RSRC1: variants seen among roughly 807,000 people sequenced by gnomAD.
RSRC1 encodes the protein serine/Arginine-related protein 53.
A neutral mutation model predicts 49.1 loss-of-function variants in RSRC1; 39 were observed. The observed-to-expected ratio is 0.79, with a 90% CI of 0.61 to 1.04. RSRC1 has a LOEUF of 1.04. Among genes scored for constraint, RSRC1 ranks in the 50% least tolerant of loss-of-function variants. The probability of loss-of-function intolerance (pLI) is 0.00; values close to 1 mark genes in which losing one functional copy is unlikely to be tolerated. For synonymous variants in RSRC1, 143 were observed against 130.8 expected, an observed-to-expected ratio of 1.09 and a Z score of -0.63; for missense variants, 388 against 402.4, an observed-to-expected ratio of 0.96 and a Z score of 0.31.
intron 6 of RSRC1, among the ~76,000 whole-genome samples, chr3:158,439,732 G>T (rs1362598143): frequency 2.0e-5 from 3 of 152,108 alleles, no homozygotes; most frequent in African/African-American, 7.2e-5. Flanking sequence ...GTTGATGGGT[G>T]CAGCAAACCA....
chr3:158,446,377 TTC>T lies in RSRC1; in HGVS notation c.584-14556_584-14555del, dbSNP rs370901346. 5.7e-4 allele frequency among the ~76,000 whole-genome samples: 87 copies of T among 152,126 alleles called. No individual in the cohort carries two copies. The East Asian group carries it at 0.012, about 22-fold the overall frequency. On this transcript the variant is annotated intron_variant, in intron 6 of 9. Transcript: ENST00000611884. ...TACTTTTTTTGGATATATGATTTTT[TTC>T]TGTTTGATATATTTTTATTGCCTAT...
chr3:158,353,885 A>C (rs1731008710), intron 5 of RSRC1, among the ~76,000 whole-genome samples: 3 of 152,078 alleles, frequency 2.0e-5, no homozygotes, highest in African/African-American at 4.8e-5. Context: ...CTTTAGTAAA[A>C]AGTCATAGTC....
intron 6 of RSRC1, among the ~76,000 whole-genome samples, chr3:158,401,241 C>T (rs1274470874): frequency 1.3e-5 from 2 of 152,076 alleles, no homozygotes; most frequent in Admixed American, 6.6e-5. Flanking sequence ...CTGTAACGGG[C>T]AGAGATGTCT....
intron 4 of RSRC1, among the ~76,000 whole-genome samples, chr3:158,206,638 G>C (rs146892472): frequency 2.0e-5 from 3 of 152,164 alleles, no homozygotes; most frequent in Non-Finnish European, 4.4e-5. Flanking sequence ...CATCGGCCAG[G>C]CATGGTGGCT....
chr3:158,194,054 T>TACAC (rs10530687), intron 3 of RSRC1, among the ~76,000 whole-genome samples: 1,472 of 144,120 alleles, frequency 0.01, 20 homozygotes, highest in African/African-American at 0.027. Context: ...ACCCCGTCTA[T>TACAC]ACACACACAC....
intron 3 of RSRC1, among the ~76,000 whole-genome samples, chr3:158,166,995 T>C (rs1015333310): frequency 2.0e-5 from 3 of 152,118 alleles, no homozygotes; most frequent in Non-Finnish European, 1.5e-5. Context: ...TAGCTTAGAA[T>C]AAAAGAAAAA....
At chr3:158,135,434 T>G (rs4680414) in intron 3 of RSRC1, among the ~76,000 whole-genome samples, 1 of 149,122 alleles carries the variant, frequency 6.7e-6, no homozygotes, top group East Asian at 2.0e-4. Context: ...CACACCCAGC[T>G]ATTTTTTTTT....
intron 3 of RSRC1, among the ~76,000 whole-genome samples, chr3:158,147,637 T>C (rs1309325886): frequency 6.6e-6 from 1 of 152,172 alleles, no homozygotes; most frequent in African/African-American, 2.4e-5. Context: ...TGTGGTTAAG[T>C]CATGTACAAT....
intron 6 of RSRC1, among the ~76,000 whole-genome samples, chr3:158,363,597 C>T (rs544497325): frequency 5.3e-5 from 8 of 152,212 alleles, no homozygotes; most frequent in African/African-American, 1.4e-4. Context: ...AGTTAAATAC[C>T]TGAGTTATGT....
At chr3:158,135,599 G>GT (rs146421587) in intron 3 of RSRC1, among the ~76,000 whole-genome samples, 91 of 148,246 alleles carry the variant, frequency 6.1e-4, no homozygotes, top group East Asian at 9.8e-4. Context: ...AATTTTTAAT[G>GT]TTTTTTTTTT....
intron 6 of RSRC1, among the ~76,000 whole-genome samples, chr3:158,412,806 T>G (rs558605964): frequency 6.6e-6 from 1 of 151,986 alleles, no homozygotes; most frequent in Non-Finnish European, 1.5e-5. Context: ...TTTAAAAAGT[T>G]TCGCTCTGAT....
chr3:158,314,987 G>A (rs893068851), intron 5 of RSRC1, among the ~76,000 whole-genome samples: 5 of 151,276 alleles, frequency 3.3e-5, no homozygotes, highest in African/African-American at 9.7e-5. Flanking sequence ...AGCCAAGATT[G>A]TGCCACTGCA....
At chr3:158,244,322 C>T (rs577918870) in intron 4 of RSRC1, among the ~76,000 whole-genome samples, 1 of 152,166 alleles carries the variant, frequency 6.6e-6, no homozygotes, top group Non-Finnish European at 1.5e-5. Context: ...TGAGACTTTT[C>T]AACATGAAGG....
At chr3:158,341,273 C>T (rs1209650643) in intron 5 of RSRC1, among the ~76,000 whole-genome samples, 1 of 152,090 alleles carries the variant, frequency 6.6e-6, no homozygotes, top group Admixed American at 6.5e-5. Flanking sequence ...CAGGCCATGT[C>T]AGAGACCTTC....
At chr3:158,261,522 C>T (rs1724893552) in intron 4 of RSRC1, among the ~76,000 whole-genome samples, 1 of 152,178 alleles carries the variant, frequency 6.6e-6, no homozygotes, top group Non-Finnish European at 1.5e-5. Flanking sequence ...TACTTTAACA[C>T]AGAGGTCCCC....
At chr3:158,246,653 C>T (rs908979745) in intron 4 of RSRC1, among the ~76,000 whole-genome samples, 4 of 152,022 alleles carry the variant, frequency 2.6e-5, no homozygotes, top group East Asian at 1.9e-4. Context: ...TTAGTTTGGT[C>T]GGATATGAAA....
At chr3:158,361,293 C>T (rs1186120387) in intron 6 of RSRC1, among the ~76,000 whole-genome samples, 4 of 152,186 alleles carry the variant, frequency 2.6e-5, no homozygotes, top group East Asian at 1.9e-4. Context: ...AATTGGGCAC[C>T]GCTGGCCCCC....
Position 158,146,835 on chromosome 3 carries a change from G to A in RSRC1, c.320+22844G>A, listed in dbSNP as rs185739719. On this transcript the variant is annotated intron_variant, in intron 3 of 9. Coordinates refer to ENST00000611884, the MANE Select transcript of RSRC1 (RefSeq NM_001271838.2). ...TGTTATTGGTCTATTCAGAGATTTA[G>A]CTTCTTCCTGGTTTAGTCTTGGGAG... Among the ~76,000 whole-genome samples the A allele has an allele frequency of 5.5e-3, 840 of 152,148 alleles. 8 individuals are homozygous for A. The highest frequency in any genetic ancestry group is 0.019 in the African/African-American group (803 of 41,506).
chr3:158,517,754 AATTTTTTTTTTTTTTTTTTTTTTTTTTT>A (rs1289996663), intron 7 of RSRC1, among the ~76,000 whole-genome samples: 11 of 109,406 alleles, frequency 1.0e-4, no homozygotes, highest in Admixed American at 2.9e-4. Context: ...ACACCCAGCT[AATTTTTTTTTTTTTTTTTTTTTTTTTTT>A]TTTTTTTTTT....
Sources: allele counts gnomAD v4.1 joint callset (sites outside exome capture counted in the v4.1 genomes callset), GRCh38; gene constraint gnomAD v4.1.1; transcripts MANE v1.5; gene names NCBI Gene and HGNC (gene_info 2026-07-23, HGNC 2026-07-21).